The following TENM4 variants were observed in gnomAD, a reference collection of about 807,000 sequenced individuals.
TENM4 encodes teneurin-4.
TENM4 carries 82 observed loss-of-function variants against 243.3 expected under a neutral mutation model. The observed-to-expected ratio is 0.34, with a 90% CI of 0.28 to 0.40. The LOEUF is 0.40. Ranked by LOEUF, TENM4 falls within the 10% of genes least tolerant of loss-of-function variation. The pLI is 1.00. For missense variants in TENM4, 3,138 were observed against 3,673.3 expected, an observed-to-expected ratio of 0.85 and a Z score of 3.77; for synonymous variants, 1,412 against 1,456.3, an observed-to-expected ratio of 0.97 and a Z score of 0.69.
intron 30 of TENM4, among the ~76,000 whole-genome samples, chr11:78,675,434 G>C (rs1858443418): frequency 6.6e-6 from 1 of 152,194 alleles, no homozygotes; most frequent in South Asian, 2.1e-4. Flanking sequence ...GAAAGCCATG[G>C]CTAGTTCATT....
intron 6 of TENM4, among the ~76,000 whole-genome samples, chr11:78,952,955 G>A (rs1171565722): frequency 1.3e-5 from 2 of 152,200 alleles, no homozygotes; most frequent in African/African-American, 4.8e-5. Context: ...GTTTCTGGAA[G>A]TGCAAATATA....
At chr11:79,191,543 C>G (rs542105619) in intron 3 of TENM4, 1 of 162,486 alleles carries the variant, frequency 6.2e-6, no homozygotes, top group Non-Finnish European at 1.3e-5. Flanking sequence ...TCTGCCCGGC[C>G]GCCACCCCGT....
chr11:78,854,292 T>A lies in TENM4; in HGVS notation c.1493A>T (p.Asp498Val), dbSNP rs938749663. The change falls in exon 12 of 34, where the codon GAT becomes GTT. Residue 498 changes from aspartate to valine, a missense_variant. By Grantham distance (152) the Asp-to-Val change is radical (BLOSUM62 -3). Coordinates refer to ENST00000278550, the MANE Select transcript of TENM4 (RefSeq NM_001098816.3). Reference protein sequence around the residue: ...HTQFDFVELLDGRRLLTQEAR... With the variant: ...HTQFDFVELLVGRRLLTQEAR... ...CTCCTGGGTTAGGAGCCTCCTGCCA[T>A]CCAGCAGCTCCACAAAGTCAAACTG... The A allele has an allele frequency of 3.3e-6, 5 of 1,512,700 alleles. No homozygotes were observed. Among genetic ancestry groups the A allele is most frequent in the Non-Finnish European group, 3.6e-6 (4 of 1,126,586 alleles). 93.7% of individuals were successfully genotyped at this position (1,512,700 alleles called of 1,614,324 possible). A position where few individuals can be genotyped will look rare whatever the true frequency, so the allele number is the denominator to read the frequency against.
Position 78,786,980 on chromosome 11 carries a change from G to A in TENM4, c.2283C>T (p.His761=). 1 of 1,586,728 alleles carries A rather than the reference G, an allele frequency of 6.3e-7. No individual in the cohort carries two copies. Among genetic ancestry groups the A allele is most frequent in the Non-Finnish European group, 8.6e-7 (1 of 1,166,858 alleles). The stretch of plus-strand genomic sequence containing the variant: ...AGGTCCCATGCTCGGCACAGCGCGG[G>A]TGGCAGGCCCGCTGGTCGCAGGCTG... ...MGAACDQRAC[H]PRCAEHGTCR... The change falls in exon 16 of 34, where the codon CAC becomes CAT. Residue 761 remains histidine, a synonymous_variant. Coordinates refer to ENST00000278550, the MANE Select transcript of TENM4 (RefSeq NM_001098816.3).
At chr11:78,884,639 G>A (rs1022401211) in intron 9 of TENM4, among the ~76,000 whole-genome samples, 4 of 152,256 alleles carry the variant, frequency 2.6e-5, no homozygotes, top group African/African-American at 9.6e-5. Flanking sequence ...GAATTGTGGT[G>A]AGGGTCCAGA....
intron 1 of TENM4, among the ~76,000 whole-genome samples, chr11:79,311,631 C>T (rs1042515467): frequency 3.3e-5 from 5 of 152,206 alleles, no homozygotes; most frequent in African/African-American, 1.2e-4. Context: ...TTCTGGTTTA[C>T]AGACTAAAGC....
intron 3 of TENM4, among the ~76,000 whole-genome samples, chr11:79,153,918 C>T (rs1413579588): frequency 1.3e-5 from 2 of 152,142 alleles, no homozygotes; most frequent in East Asian, 1.9e-4. Flanking sequence ...TTTGGAAGGA[C>T]TTCAGTTTTC....
At chr11:79,212,670 A>T (rs1565252335) in intron 3 of TENM4, among the ~76,000 whole-genome samples, 1 of 152,018 alleles carries the variant, frequency 6.6e-6, no homozygotes, top group South Asian at 2.1e-4. Flanking sequence ...AGGCCGTGTG[A>T]AGCTAACTCC....
At chr11:79,406,339 C>A (rs1015489867) in intron 1 of TENM4, among the ~76,000 whole-genome samples, 7 of 152,152 alleles carry the variant, frequency 4.6e-5, no homozygotes, top group African/African-American at 9.7e-5. Flanking sequence ...AAAACACCAT[C>A]TTTTCATGAA....
At chr11:78,750,584 G>A (rs1157621991) in intron 19 of TENM4, among the ~76,000 whole-genome samples, 2 of 152,206 alleles carry the variant, frequency 1.3e-5, no homozygotes, top group Non-Finnish European at 2.9e-5. Flanking sequence ...GGCTCAGGGG[G>A]CAGACGTGCA....
chr11:78,805,298 A>T lies in TENM4; in HGVS notation c.2173T>A (p.Ser725Thr), dbSNP rs764729552. ...CDPSWTGHDC[S>T]IEICAADCGG... ...CTTCTCCCCCTGCATTTACCGATAG[A>T]ACAGTCGTGTCCAGTCCAGCTTGGG... Residue 725 changes from serine to threonine, a missense_variant, in exon 15 of 34, where the codon TCT becomes ACT. By Grantham distance (58) the Ser-to-Thr change is moderately conservative. This residue lies in a region of TENM4 where 2,467 missense variants were observed against 3,059.1 expected (regional missense o/e 0.81). Transcript: ENST00000278550. The T allele has an allele frequency of 4.5e-6, 2 of 448,558 alleles. No individual in the cohort carries two copies. The allele number at this position is 448,558 out of a possible 1,614,324, so 27.8% of individuals were successfully genotyped here.
chr11:78,841,893 C>T (rs1427035371), intron 12 of TENM4, among the ~76,000 whole-genome samples: 1 of 152,154 alleles, frequency 6.6e-6, no homozygotes, highest in Non-Finnish European at 1.5e-5. Context: ...CAGTGACCTC[C>T]TAATGACCAA....
chr11:78,741,017 CA>C (rs755630890), intron 19 of TENM4, among the ~76,000 whole-genome samples: 7 of 152,238 alleles, frequency 4.6e-5, no homozygotes, highest in Non-Finnish European at 7.3e-5. Context: ...CTTGCCAACA[CA>C]GGCATTTGGC....
At chr11:78,691,679 A>G (rs942834350) in intron 28 of TENM4, among the ~76,000 whole-genome samples, 2 of 152,236 alleles carry the variant, frequency 1.3e-5, no homozygotes, top group African/African-American at 4.8e-5. Flanking sequence ...AGAAGATACA[A>G]TGAAAAGGCC....
intron 6 of TENM4, among the ~76,000 whole-genome samples, chr11:78,957,589 G>C (rs1156969301): frequency 6.6e-6 from 1 of 152,166 alleles, no homozygotes; most frequent in African/African-American, 2.4e-5. Context: ...CCACTGGATT[G>C]GTAGTCAAAA....
At chr11:79,001,217 G>A (rs1035832792) in intron 6 of TENM4, among the ~76,000 whole-genome samples, 3 of 152,186 alleles carry the variant, frequency 2.0e-5, no homozygotes, top group African/African-American at 7.2e-5. Context: ...AAAGAATGGA[G>A]CCAGGAGAAA....
chr11:79,142,834 C>G (rs181465551), intron 4 of TENM4, among the ~76,000 whole-genome samples: 1 of 151,922 alleles, frequency 6.6e-6, no homozygotes, highest in African/African-American at 2.4e-5. Context: ...ATCTGCATAC[C>G]TACAGTGAAC....
rs535464832 is a variant in TENM4 at position 79,043,504 on chromosome 11, C to CA, written c.493+21233dup. Among the ~76,000 whole-genome samples the CA allele has an allele frequency of 2.0e-4, 31 of 152,266 alleles. No homozygotes were observed. The East Asian group carries it at 5.8e-3, about 29-fold the overall frequency. ...GACTGTGTGGAACAAAGTCTCCCCC[C>CA]AGCCCCAAAGCATGTTGGGTACATA... On this transcript the variant is annotated intron_variant, in intron 6 of 33. Coordinates refer to ENST00000278550, the MANE Select transcript of TENM4 (RefSeq NM_001098816.3).
intron 12 of TENM4, among the ~76,000 whole-genome samples, chr11:78,852,262 G>T (rs1008484535): frequency 6.6e-6 from 1 of 152,186 alleles, no homozygotes. Flanking sequence ...GAAATATTGA[G>T]CCTGTATTTA....
Sources: gnomAD v4.1 joint callset for allele counts (sites outside exome capture counted in the v4.1 genomes callset) on GRCh38, gnomAD v4.1.1 for gene constraint, gnomAD v4.1.1 regional missense constraint, MANE v1.5 for transcripts, NCBI Gene and HGNC (gene_info 2026-07-23, HGNC 2026-07-21) for gene names.